Variants in SLC2A9 observed in about 807,000 individuals in gnomAD.
SLC2A9 encodes solute carrier family 2, facilitated glucose transporter member 9.
SLC2A9 carries 39 observed loss-of-function variants against 50.6 expected under a neutral mutation model. The ratio of observed to expected loss-of-function variants is 0.77; its 90% CI spans 0.60 to 1.01. The LOEUF is 1.01. Ranked by LOEUF, SLC2A9 falls within the 50% of genes least tolerant of loss-of-function variation. SLC2A9 has a pLI of 0.00. For missense variants in SLC2A9, 686 were observed against 677.6 expected, an observed-to-expected ratio of 1.01 and a Z score of -0.14; for synonymous variants, 324 against 276.9, an observed-to-expected ratio of 1.17 and a Z score of -1.69.
At chr4:10,030,157 T>G (rs934869047) in intron 1 of SLC2A9, among the ~76,000 whole-genome samples, 1 of 152,212 alleles carries the variant, frequency 6.6e-6, no homozygotes, top group African/African-American at 2.4e-5. Context: ...TTGTACAGTA[T>G]GATGAGCATA....
At chr4:9,971,204 A>T (rs1430404943) in intron 5 of SLC2A9, among the ~76,000 whole-genome samples, 2 of 152,168 alleles carry the variant, frequency 1.3e-5, no homozygotes, top group African/African-American at 4.8e-5. Context: ...AACAAGTTTC[A>T]CCTAATTTGT....
chr4:10,033,101 G>C (rs1357337353), intron 1 of SLC2A9, among the ~76,000 whole-genome samples: 1 of 152,144 alleles, frequency 6.6e-6, no homozygotes, highest in African/African-American at 2.4e-5. Flanking sequence ...GTCTAACTCA[G>C]TTTCCTCCTT....
intron 6 of SLC2A9, among the ~76,000 whole-genome samples, chr4:9,925,905 T>C (rs1331362198): frequency 6.6e-6 from 1 of 152,092 alleles, no homozygotes. Flanking sequence ...GGGCATGGTG[T>C]GATTTTCCAA....
At chr4:9,802,559 C>CTTT (rs1238703528) in intron 3 of SLC2A9, among the ~76,000 whole-genome samples, 31 of 127,040 alleles carry the variant, frequency 2.4e-4, no homozygotes, top group African/African-American at 7.9e-4. Context: ...TTGTTCTTTT[C>CTTT]TTTTTTTTTT....
chr4:10,019,106 A>T (rs1301471160), intron 1 of SLC2A9, 33 bp from the exon 2 acceptor site: 3 of 1,538,364 alleles, frequency 2.0e-6, no homozygotes, highest in Admixed American at 2.0e-5. Flanking sequence ...CAGAGCCGGC[A>T]CCGGGCGCGC....
rs116664669 is a variant in SLC2A9, at chr4:9,886,360, G to A, written c.1291+1207C>T. 3.5e-3 allele frequency among the ~76,000 whole-genome samples: 530 copies of A among 151,590 alleles called. 4 individuals are homozygous for A. Among genetic ancestry groups the A allele is most frequent in the African/African-American group, 0.012 (476 of 41,354 alleles). ...GTGCTGTGTGTTCATCCTCTAATTC[G>A]CTGCCCTGCCTGGGAGGTGCTTGCT... On this transcript the variant is annotated intron_variant, in intron 10 of 11. Coordinates refer to ENST00000264784, the MANE Select transcript of SLC2A9 (RefSeq NM_020041.3).
At chr4:9,847,480 C>CA (rs1413730477) in intron 10 of SLC2A9, among the ~76,000 whole-genome samples, 3 of 152,210 alleles carry the variant, frequency 2.0e-5, no homozygotes, top group Non-Finnish European at 4.4e-5. Context: ...GGTGGGCACA[C>CA]AGAGCCAAAC....
chr4:9,932,407 C>T (rs1746314675), intron 6 of SLC2A9, among the ~76,000 whole-genome samples: 2 of 152,132 alleles, frequency 1.3e-5, no homozygotes, highest in Admixed American at 1.3e-4. Flanking sequence ...TGTCCCTCCT[C>T]GCATGGAGCT....
intron 5 of SLC2A9, among the ~76,000 whole-genome samples, chr4:9,960,219 G>C (rs1467920040): frequency 2.0e-5 from 3 of 152,176 alleles, no homozygotes; most frequent in Non-Finnish European, 4.4e-5. Context: ...CCAGGGCCTT[G>C]AGCCTACCCA....
intron 3 of SLC2A9, among the ~76,000 whole-genome samples, chr4:9,787,215 C>T (rs1327233253): frequency 6.6e-6 from 1 of 152,238 alleles, no homozygotes; most frequent in African/African-American, 2.4e-5. Context: ...TATAATTACA[C>T]ATCCATACAC....
chr4:9,838,366 C>A lies in SLC2A9; in HGVS notation c.1292-3358G>T, dbSNP rs1172208442. On this transcript the variant is annotated intron_variant, in intron 10 of 11. Coordinates refer to ENST00000264784, the MANE Select transcript of SLC2A9 (RefSeq NM_020041.3). ...CACTGCTTAAAGAAATCATAGATGG[C>A]ACAAACAAATGGAAAAACATTCCAT... Among the ~76,000 whole-genome samples, 3 of 152,054 alleles carry A rather than the reference C, an allele frequency of 2.0e-5. No homozygotes were observed. In the East Asian group the frequency reaches 5.8e-4, roughly 29 times the overall value.
At chr4:9,983,409 G>A (rs905619745) in intron 4 of SLC2A9, among the ~76,000 whole-genome samples, 2 of 152,370 alleles carry the variant, frequency 1.3e-5, no homozygotes, top group Admixed American at 6.5e-5. Flanking sequence ...TGCACATTGT[G>A]CACATTGGGA....
chr4:9,885,564 A>G (rs1240809683), intron 10 of SLC2A9, among the ~76,000 whole-genome samples: 1 of 152,178 alleles, frequency 6.6e-6, no homozygotes, highest in Non-Finnish European at 1.5e-5. Context: ...CTGCTCACAA[A>G]AGCACACATC....
At chr4:9,829,571 T>G (rs1249561640) in intron 11 of SLC2A9, among the ~76,000 whole-genome samples, 5 of 151,574 alleles carry the variant, frequency 3.3e-5, no homozygotes, top group African/African-American at 1.2e-4. Context: ...ATCATCATAG[T>G]GAACATACAA....
chr4:9,772,330 G>T (rs1716930665), intron 1 of SLC2A9, among the ~76,000 whole-genome samples: 1 of 152,236 alleles, frequency 6.6e-6, no homozygotes, highest in Admixed American at 6.5e-5. Flanking sequence ...ATTGTGGATT[G>T]TCAAGATGTA....
At chr4:9,964,897 C>G (rs1752824499) in intron 5 of SLC2A9, among the ~76,000 whole-genome samples, 1 of 152,198 alleles carries the variant, frequency 6.6e-6, no homozygotes, top group Non-Finnish European at 1.5e-5. Context: ...AACCAGGAAG[C>G]TCAAGTCCCA....
chr4:9,774,871 C>T (rs553287097), downstream of SLC2A9, among the ~76,000 whole-genome samples: 3 of 152,036 alleles, frequency 2.0e-5, no homozygotes, highest in Admixed American at 1.3e-4. Context: ...ATTCCTTCTG[C>T]AAATAAGGAA....
Position 10,021,293 on chromosome 4 carries a change from C to A in SLC2A9, c.137G>T (p.Gly46Val), listed in dbSNP as rs1312260418. The part of the protein sequence containing the change: ...CDHLRSGVPG[G>V]RRRKDWSCSL... ...GTCCGTAGTTACCTTTCTTCTCCTT[C>A]CACCTGGCACCCCACTCCTCAGGTG... The change falls in exon 1 of 12, where the codon GGA becomes GTA. Residue 46 changes from glycine to valine, a missense_variant. Gly to Val is a moderately radical substitution (Grantham distance 109). Coordinates refer to ENST00000264784, the MANE Select transcript of SLC2A9 (RefSeq NM_020041.3). 6.2e-7 allele frequency: 1 copy of A among 1,613,872 alleles called. No homozygotes were observed. The highest frequency in any genetic ancestry group is 1.1e-5 in the South Asian group (1 of 91,060).
downstream of SLC2A9, among the ~76,000 whole-genome samples, chr4:9,778,846 G>A (rs535488841): frequency 6.6e-6 from 1 of 151,858 alleles, no homozygotes; most frequent in Admixed American, 6.6e-5. Context: ...TTGTAATGGA[G>A]TCTCACTCTG....
Sources: allele counts gnomAD v4.1 joint callset (sites outside exome capture counted in the v4.1 genomes callset), GRCh38; gene constraint gnomAD v4.1.1; transcripts MANE v1.5; gene names NCBI Gene and HGNC (gene_info 2026-07-23, HGNC 2026-07-21).